Variants in TAFA3 observed in about 807,000 individuals in gnomAD.
TAFA3 encodes the protein chemokine-like protein TAFA-3.
TAFA3 carries 17 observed loss-of-function variants against 20.7 expected under a neutral mutation model. That is an observed-to-expected ratio of 0.82 (90% CI 0.56 to 1.23). The LOEUF (loss-of-function observed/expected upper bound fraction) is 1.23, where lower values mean the gene tolerates loss of function less well. Ranked by LOEUF, TAFA3 falls within the 50% of genes most tolerant of loss-of-function variation. The pLI is 0.00. For missense variants in TAFA3, 174 were observed against 172.8 expected (o/e 1.01, Z -0.04); for synonymous variants, 74 against 71.8 (o/e 1.03, Z -0.16).
chr1:112,726,952 T>C lies in TAFA3; in HGVS notation c.*312T>C. On this transcript the variant is annotated 3_prime_UTR_variant, in exon 6 of 6. Transcript: ENST00000361886. ...AGATAATTTAGGTTAAAGTACTTGA[T>C]ACCAGACTGCGGCTTCTGGGCCACA... is the stretch of plus-strand genomic sequence containing the variant. The C allele has an allele frequency of 5.1e-6, 2 of 393,782 alleles. No individual in the cohort carries two copies. The highest frequency in any genetic ancestry group is 4.8e-5 in the East Asian group (1 of 20,898). The allele number at this position is 393,782 out of a possible 1,614,324, so 24.4% of individuals were successfully genotyped here. A position where few individuals can be genotyped will look rare whatever the true frequency, so the allele number is the denominator to read the frequency against.
intron 5 of TAFA3, 52 bp from the exon 6 acceptor site, chr1:112,726,577 G>C: frequency 6.3e-7 from 1 of 1,597,860 alleles, no homozygotes; most frequent in East Asian, 2.2e-5. Flanking sequence ...TGGCATGCTG[G>C]AATGGAATAG....
chr1:112,726,608 AC>A lies in TAFA3; in HGVS notation c.391-18del, dbSNP rs761227344. 1 of 1,612,628 alleles carries A rather than the reference AC, an allele frequency of 6.2e-7. No homozygotes were observed. The highest frequency in any genetic ancestry group is 1.3e-5 in the African/African-American group (1 of 74,606). Reference sequence around the variant, plus strand: ...AATAGGCATTCCCTTCTCTAACCTTACCCTCTCGCTTCTTCACCAGGTCACA... The same window carrying A: ...AATAGGCATTCCCTTCTCTAACCTTACCTCTCGCTTCTTCACCAGGTCACA... On this transcript the variant is annotated intron_variant, in intron 5 of 5. Coordinates refer to ENST00000361886, the MANE Select transcript of TAFA3 (RefSeq NM_182759.3).
intron 5 of TAFA3, among the ~76,000 whole-genome samples, chr1:112,724,798 A>AAC (rs1675422756): frequency 6.8e-6 from 1 of 146,918 alleles, no homozygotes. Context: ...AAAAAAAAAA[A>AAC]ACAACATATT....
rs991549737 is a variant in TAFA3, at chr1:112,719,114, C to A, written c.-245C>A. 6.6e-6 allele frequency among the ~76,000 whole-genome samples: 1 copy of A among 152,256 alleles called. No individual in the cohort carries two copies. Among genetic ancestry groups the A allele is most frequent in the African/African-American group, 2.4e-5 (1 of 41,470 alleles). On this transcript the variant is annotated 5_prime_UTR_variant, in exon 1 of 6. Coordinates refer to ENST00000361886, the MANE Select transcript of TAFA3 (RefSeq NM_182759.3). ...CGGCCCGCCCTGCGGATGATGCCAA[C>A]CTGACCAGAACCCCGCTGTCCCGGG... is the stretch of plus-strand genomic sequence containing the variant.
chr1:112,722,784 G>T (rs536543622), intron 3 of TAFA3, among the ~76,000 whole-genome samples: 1 of 152,290 alleles, frequency 6.6e-6, no homozygotes, highest in South Asian at 2.1e-4. Flanking sequence ...TTCTGCCCAG[G>T]GGCCGTGCTC....
chr1:112,719,428 C>A (rs993277835), intron 1 of TAFA3, among the ~76,000 whole-genome samples, 129 bp downstream of exon 1: 2 of 152,170 alleles, frequency 1.3e-5, no homozygotes, highest in Admixed American at 6.5e-5. Context: ...GTAATGCAGG[C>A]TGCTAACTCA....
chr1:112,726,703 C>A lies in TAFA3; in HGVS notation c.*63C>A. 1 of 1,613,152 alleles carries A rather than the reference C, an allele frequency of 6.2e-7. No homozygotes were observed. Among genetic ancestry groups the A allele is most frequent in the Non-Finnish European group, 8.5e-7 (1 of 1,179,236 alleles). On this transcript the variant is annotated 3_prime_UTR_variant, in exon 6 of 6. Coordinates refer to ENST00000361886, the MANE Select transcript of TAFA3 (RefSeq NM_182759.3). ...TGAGCCGTGAACTGAAGAATGGTAT[C>A]CAGTCATCAGCCAGGAAAGATGGGG...
intron 2 of TAFA3, 150 bp downstream of exon 2, chr1:112,720,784 G>A (rs897364618): frequency 6.6e-6 from 1 of 152,480 alleles, no homozygotes; most frequent in Non-Finnish European, 1.5e-5. Context: ...CAGTGGTCCA[G>A]GCTCACCCCT....
chr1:112,724,109 G>T lies in TAFA3; in HGVS notation c.362G>T (p.Ser121Ile). ...CCGGACCTGTCGGGATGGAGCTGCA[G>T]CAGTGGACACAAAGTCAAAACCACC... ...VLPDLSGWSCSSGHKVKTTKV... is the reference protein window; with the variant it reads ...VLPDLSGWSCISGHKVKTTKV... The change falls in exon 5 of 6, where the codon AGC becomes ATC. Residue 121 changes from serine (S) to isoleucine (I), a missense_variant. Physicochemically the swap from Ser to Ile is moderately radical, Grantham distance 142. Transcript: ENST00000361886. The T allele has an allele frequency of 6.2e-7, 1 of 1,611,226 alleles. No individual in the cohort carries two copies.
intron 1 of TAFA3, chr1:112,720,311 C>T (rs1331667076): frequency 6.6e-6 from 1 of 152,382 alleles, no homozygotes; most frequent in Non-Finnish European, 1.5e-5. Context: ...CACCCTGCTT[C>T]ACTCTTGGGA....
chr1:112,723,245 G>GATAC (rs1195851748), intron 4 of TAFA3, 80 bp downstream of exon 4: 6 of 1,492,238 alleles, frequency 4.0e-6, no homozygotes, highest in Non-Finnish European at 4.5e-6. Context: ...ATCTGCTGGG[G>GATAC]ATACAATTTC....
chr1:112,726,806 A>G lies in TAFA3; in HGVS notation c.*166A>G. On this transcript the variant is annotated 3_prime_UTR_variant, in exon 6 of 6. Transcript: ENST00000361886. Reference sequence around the variant, plus strand: ...CAGTTAAGCTGCTCAGCAGATATGGATGGATCTGCAATCACATACCTAATG... The same window carrying G: ...CAGTTAAGCTGCTCAGCAGATATGGGTGGATCTGCAATCACATACCTAATG... 2 of 992,646 alleles carry G rather than the reference A, an allele frequency of 2.0e-6. No individual in the cohort carries two copies. Among genetic ancestry groups the G allele is most frequent in the Admixed American group, 2.1e-5 (1 of 47,568 alleles). The allele number at this position is 992,646 out of a possible 1,614,324, so 61.5% of individuals were successfully genotyped here.
At chr1:112,723,676 C>A (rs370329208) in intron 4 of TAFA3, among the ~76,000 whole-genome samples, 1 of 152,138 alleles carries the variant, frequency 6.6e-6, no homozygotes, top group African/African-American at 2.4e-5. Flanking sequence ...CCCCTCCAGA[C>A]GACTCACACC....
Position 112,723,034 on chromosome 1 carries a change from C to T in TAFA3, c.134C>T (p.Thr45Ile), listed in dbSNP as rs763768846. Residue 45 changes from threonine (T) to isoleucine (I), a missense_variant, in exon 4 of 6, where the codon ACC (threonine) becomes ATC (isoleucine). Thr to Ile is a moderately conservative substitution (Grantham distance 89). Coordinates refer to ENST00000361886, the MANE Select transcript of TAFA3 (RefSeq NM_182759.3). ...CCCTCAGTGCTTGTGCAGCAGGGCA[C>T]CTGCGAGGTGATTGCGGCTCACCGC... ...PTATVLVQQG[T>I]CEVIAAHRCC... 1.2e-6 allele frequency: 2 copies of T among 1,612,662 alleles called. No individual in the cohort carries two copies. The highest frequency in any genetic ancestry group is 2.7e-5 in the African/African-American group (2 of 75,026).
chr1:112,719,175 A>G lies in TAFA3; in HGVS notation c.-184A>G, dbSNP rs952030293. On this transcript the variant is annotated 5_prime_UTR_variant, in exon 1 of 6. Transcript: ENST00000361886. ...CTTGGTGAAGGGGACAGGGCTCCGGACTAGACAGCACCCAAGCTGGCCGCT... is the reference window on the plus strand; with the variant it reads ...CTTGGTGAAGGGGACAGGGCTCCGGGCTAGACAGCACCCAAGCTGGCCGCT... Among the ~76,000 whole-genome samples the G allele has an allele frequency of 6.6e-6, 1 of 152,192 alleles. No homozygotes were observed. Among genetic ancestry groups the G allele is most frequent in the African/African-American group, 2.4e-5 (1 of 41,458 alleles).
chr1:112,719,442 T>A (rs114463815), intron 1 of TAFA3, among the ~76,000 whole-genome samples, 143 bp downstream of exon 1: 3,078 of 152,246 alleles, frequency 0.02, 102 homozygotes, highest in African/African-American at 0.07. Flanking sequence ...TAACTCAGCC[T>A]CACTAAACCC....
chr1:112,723,101 G>A lies in TAFA3; in HGVS notation c.201G>A (p.Val67=), dbSNP rs745800791. 17 of 1,613,274 alleles carry A rather than the reference G, an allele frequency of 1.1e-5. No homozygotes were observed. The highest frequency in any genetic ancestry group is 3.4e-6 in the Non-Finnish European group (4 of 1,179,812). The change falls in exon 4 of 6, where the codon GTG becomes GTA. Residue 67 remains valine (V), a synonymous_variant. Transcript: ENST00000361886. The part of the protein sequence containing the change: ...RNRIEERSQT[V]KCSCFSGQVA... ...GCATCGAGGAGCGCTCCCAGACGGT[G>A]AAATGCTCCTGTTTTTCTGGCCAGG...
At chr1:112,722,952 C>T (rs1181066036) in intron 3 of TAFA3, 64 bp from the exon 4 acceptor site, 64 of 1,312,424 alleles carry the variant, frequency 4.9e-5, no homozygotes, top group Non-Finnish European at 6.3e-5. Context: ...GAGGCCAGCC[C>T]GGGTGGGCGG....
At chr1:112,726,579 A>G (rs773512229) in intron 5 of TAFA3, 50 bp from the exon 6 acceptor site, 2 of 1,600,940 alleles carry the variant, frequency 1.2e-6, no homozygotes, top group Non-Finnish European at 8.6e-7. Flanking sequence ...GCATGCTGGA[A>G]TGGAATAGGC....
Sources: allele counts gnomAD v4.1 joint callset (sites outside exome capture counted in the v4.1 genomes callset), GRCh38; gene constraint gnomAD v4.1.1; transcripts MANE v1.5; gene names NCBI Gene and HGNC (gene_info 2026-07-23, HGNC 2026-07-21).